The following PC variants were observed in gnomAD, a reference collection of about 807,000 sequenced individuals.
PC encodes pyruvate carboxylase, also known as pyruvate carboxylase, mitochondrial.
Under a neutral mutation model 107.8 loss-of-function variants are expected in PC, and 46 were observed. The observed-to-expected ratio is 0.43, with a 90% CI of 0.34 to 0.55. The LOEUF (loss-of-function observed/expected upper bound fraction) is 0.55. PC is among the 20% of genes least tolerant of loss of function. The probability of loss-of-function intolerance (pLI) is 0.04; values close to 1 mark genes in which losing one functional copy is unlikely to be tolerated. For synonymous variants in PC, 662 were observed against 684.7 expected (o/e 0.97, Z 0.52); for missense variants, 1,241 against 1,643.1 (o/e 0.76, Z 4.23).
At chr11:66,929,541 AT>A (rs747892517) in intron 3 of PC, among the ~76,000 whole-genome samples, 5 of 151,936 alleles carry the variant, frequency 3.3e-5, no homozygotes, top group Non-Finnish European at 7.4e-5. Flanking sequence ...TAATTTTTGT[AT>A]TTTTAGTAGA....
intron 3 of PC, among the ~76,000 whole-genome samples, chr11:66,913,196 A>G (rs1428753541): frequency 1.3e-5 from 2 of 152,086 alleles, no homozygotes; most frequent in African/African-American, 4.8e-5. Context: ...ATAGGCCCTT[A>G]TGCTCTTTTC....
At chr11:66,945,954 C>T (rs1022739136) in intron 3 of PC, among the ~76,000 whole-genome samples, 13 of 150,848 alleles carry the variant, frequency 8.6e-5, no homozygotes, top group African/African-American at 2.7e-4. Context: ...GGCGCGGTGG[C>T]GGGCGCCTGT....
intron 3 of PC, among the ~76,000 whole-genome samples, chr11:66,929,136 A>T (rs1268886197): frequency 6.6e-6 from 1 of 152,122 alleles, no homozygotes; most frequent in Non-Finnish European, 1.5e-5. Context: ...TCCCATTATA[A>T]ATCCATAAAG....
chr11:66,891,675 A>T (rs1947583684), intron 3 of PC, among the ~76,000 whole-genome samples: 1 of 152,234 alleles, frequency 6.6e-6, no homozygotes. Context: ...TACAGGCGTG[A>T]GCCACCGCAC....
chr11:66,943,941 C>T (rs1413832439), intron 3 of PC, among the ~76,000 whole-genome samples: 1 of 144,746 alleles, frequency 6.9e-6, no homozygotes, highest in African/African-American at 2.6e-5. Context: ...CACTGCCCTC[C>T]AGCCTGAGTG....
intron 3 of PC, among the ~76,000 whole-genome samples, chr11:66,906,584 C>G (rs2136059771): frequency 6.6e-6 from 1 of 152,320 alleles, no homozygotes; most frequent in South Asian, 2.1e-4. Flanking sequence ...GGAAATAGAG[C>G]TGAAGCATAC....
intron 3 of PC, among the ~76,000 whole-genome samples, chr11:66,907,298 C>A (rs996050124): frequency 7.9e-5 from 12 of 152,174 alleles, no homozygotes; most frequent in African/African-American, 2.2e-4. Context: ...GAGGCCGAGG[C>A]GGGCAGATCA....
Position 66,858,117 on chromosome 11 carries a change from C to T in PC, c.1369-4734G>A. ...CCGGGGCCCCGTCAATCTGCAGCAC[C>T]TCATCCTCAGCGGCAACCAGCTGGG... On this transcript the variant is annotated intron_variant, in intron 12 of 22. Transcript: ENST00000393960. This position sits in a 1 kb window ranked among gnomAD's most constrained non-coding sequence, Gnocchi z 5.9. 1 of 1,610,670 alleles carries T rather than the reference C, an allele frequency of 6.2e-7. No individual in the cohort carries two copies. The highest frequency in any genetic ancestry group is 8.5e-7 in the Non-Finnish European group (1 of 1,178,920).
Position 66,876,541 on chromosome 11 carries a change from C to T in PC, c.1-4382G>A, listed in dbSNP as rs992166925. Among the ~76,000 whole-genome samples the T allele has an allele frequency of 8.5e-5, 13 of 152,202 alleles. No individual in the cohort carries two copies. The East Asian group carries it at 1.3e-3, about 16-fold the overall frequency. On this transcript the variant is annotated intron_variant, in intron 3 of 22. Coordinates refer to ENST00000393960, the MANE Select transcript of PC (RefSeq NM_001040716.2). ...CCAGCACCTGCTGCTCAAGAGGTGC[C>T]GGGAGCACCAGCGAGGAGCTCAGGT...
chr11:66,911,926 G>A (rs192473430), intron 3 of PC, among the ~76,000 whole-genome samples: 2 of 151,620 alleles, frequency 1.3e-5, no homozygotes, highest in East Asian at 2.0e-4. Context: ...CCAGCTACTC[G>A]GAAGGCTGAG....
At chr11:66,878,093 T>C (rs1214246293) in intron 3 of PC, among the ~76,000 whole-genome samples, 1 of 152,162 alleles carries the variant, frequency 6.6e-6, no homozygotes, top group Non-Finnish European at 1.5e-5. Flanking sequence ...CACCGACTCC[T>C]TGGGTGGGAG....
chr11:66,948,975 AATT>A (rs1275719208), intron 3 of PC, among the ~76,000 whole-genome samples: 4 of 151,346 alleles, frequency 2.6e-5, no homozygotes, highest in South Asian at 2.1e-4. Flanking sequence ...AAAATGGAAG[AATT>A]ATTATTATTA....
chr11:66,860,389 A>G, intron 12 of PC: 2 of 789,152 alleles, frequency 2.5e-6, no homozygotes, highest in African/African-American at 1.7e-5. Flanking sequence ...CCCCTCCAAC[A>G]GGTGCTCACA....
At chr11:66,948,783 T>C (rs1480326115) in intron 3 of PC, among the ~76,000 whole-genome samples, 1 of 151,980 alleles carries the variant, frequency 6.6e-6, no homozygotes, top group African/African-American at 2.4e-5. Flanking sequence ...GAGGTTGCAG[T>C]GAGCTGAGAC....
At chr11:66,945,858 G>A (rs1020870019) in intron 3 of PC, among the ~76,000 whole-genome samples, 7 of 140,476 alleles carry the variant, frequency 5.0e-5, no homozygotes, top group South Asian at 2.2e-4. Context: ...AGGCCGAGGC[G>A]GGTGGATCAT....
intron 3 of PC, among the ~76,000 whole-genome samples, chr11:66,926,489 G>A (rs1255173516): frequency 6.6e-6 from 1 of 152,198 alleles, no homozygotes; most frequent in Non-Finnish European, 1.5e-5. Context: ...GTATTCAACA[G>A]TAGGCAAACA....
At chr11:66,895,703 G>A (rs1447257121) in intron 3 of PC, among the ~76,000 whole-genome samples, 1 of 152,016 alleles carries the variant, frequency 6.6e-6, no homozygotes, top group Non-Finnish European at 1.5e-5. Context: ...ATGGAAAATA[G>A]GTGAAAAAGG....
intron 3 of PC, among the ~76,000 whole-genome samples, chr11:66,880,076 G>A (rs1363133969): frequency 3.9e-5 from 6 of 152,140 alleles, no homozygotes; most frequent in Non-Finnish European, 8.8e-5. Flanking sequence ...ACATAAAGAT[G>A]AACTGAAACA....
chr11:66,956,764 C>A lies in PC; in HGVS notation c.-228+1558G>T, dbSNP rs550839657. On this transcript the variant is annotated intron_variant, in intron 1 of 22. Transcript: ENST00000393960. Reference sequence around the variant, plus strand: ...TCCAGGCCATTTCTCCTCTCTCTCGCTTTAGTGTGTGGTTTGCTGTGATTT... The same window carrying A: ...TCCAGGCCATTTCTCCTCTCTCTCGATTTAGTGTGTGGTTTGCTGTGATTT... Among the ~76,000 whole-genome samples the A allele has an allele frequency of 1.1e-3, 161 of 152,334 alleles. 1 individual carries two copies. In the Middle Eastern group the frequency reaches 0.014, roughly 13 times the overall value.
Sources: allele counts gnomAD v4.1 joint callset (sites outside exome capture counted in the v4.1 genomes callset), GRCh38; gene constraint gnomAD v4.1.1; non-coding constraint Gnocchi (gnomAD v3.1); transcripts MANE v1.5; gene names NCBI Gene and HGNC (gene_info 2026-07-23, HGNC 2026-07-21).